USP7: variants seen among roughly 807,000 people sequenced by gnomAD.
The protein encoded by USP7 is ubiquitin C-terminal hydrolase 7.
Under a neutral mutation model 162.9 loss-of-function variants are expected in USP7, and 9 were observed. The ratio of observed to expected loss-of-function variants is 0.06; its 90% CI spans 0.03 to 0.10. The LOEUF (loss-of-function observed/expected upper bound fraction) is 0.10, where lower values mean the gene tolerates loss of function less well. USP7 is among the 10% of genes least tolerant of loss of function. USP7 has a pLI of 1.00. For synonymous variants in USP7, 562 were observed against 475.9 expected (o/e 1.18, Z -2.35); for missense variants, 715 against 1,373.7 (o/e 0.52, Z 7.58).
At chr16:8,923,568 A>G (rs2141216118) in intron 2 of USP7, among the ~76,000 whole-genome samples, 155 bp from the exon 3 acceptor site, 1 of 152,344 alleles carries the variant, frequency 6.6e-6, no homozygotes, top group East Asian at 1.9e-4. Context: ...AAACCCGAAG[A>G]CTGAGATAAC....
At chr16:8,896,558 T>C (rs771520596) in intron 26 of USP7, among the ~76,000 whole-genome samples, 1 of 152,118 alleles carries the variant, frequency 6.6e-6, no homozygotes, top group South Asian at 2.1e-4. Context: ...AGCCCAAATG[T>C]TGGCTAGATG....
intron 2 of USP7, 106 bp downstream of exon 2, chr16:8,930,187 G>A (rs527638519): frequency 1.1e-4 from 88 of 795,598 alleles, no homozygotes; most frequent in Non-Finnish European, 1.6e-4. Context: ...AACTAGCTAC[G>A]CTCAGAAGTA....
At chr16:8,946,139 A>C (rs926849828) in intron 1 of USP7, among the ~76,000 whole-genome samples, 1 of 152,152 alleles carries the variant, frequency 6.6e-6, no homozygotes, top group African/African-American at 2.4e-5. Context: ...CTCAACCTAA[A>C]CCTCACACCT....
chr16:8,926,438 C>T (rs1408650759), intron 2 of USP7, among the ~76,000 whole-genome samples: 1 of 152,126 alleles, frequency 6.6e-6, no homozygotes, highest in African/African-American at 2.4e-5. Context: ...GAGATCATGG[C>T]ATTGCACTCC....
Position 8,897,716 on chromosome 16 carries a change from AAAAAAAAAAAATAT to A in USP7, c.2718+630_2719-618del, listed in dbSNP as rs1432175212. On this transcript the variant is annotated intron_variant, in intron 25 of 30. Coordinates refer to ENST00000344836, the MANE Select transcript of USP7 (RefSeq NM_003470.3). ...GTCTCTACAAAAAAAAAAAAAAAAA[AAAAAAAAAAAATAT>A]ATATATATATATATATAAATGAGTT... 1.1e-4 allele frequency among the ~76,000 whole-genome samples: 5 copies of A among 46,208 alleles called. No individual in the cohort carries two copies. The South Asian group carries it at 2.8e-3, about 26-fold the overall frequency. 30.3% of individuals were successfully genotyped at this position (46,208 alleles called of 152,430 possible). A position where few individuals can be genotyped will look rare whatever the true frequency, so the allele number is the denominator to read the frequency against.
In USP7 at chr16:8,902,346, G is replaced by T. The variant is rs377745777; in HGVS notation, c.1941+35C>A. ...TGCAGAGGACTAACGCCTTCTGCAC[G>T]GTTCCAAACCAGATACGCTATTAAC... On this transcript the variant is annotated intron_variant, in intron 17 of 30. Transcript: ENST00000344836. The T allele has an allele frequency of 3.7e-6, 6 of 1,607,520 alleles. No individual in the cohort carries two copies. The East Asian group carries it at 8.9e-5, about 24-fold the overall frequency.
intron 1 of USP7, among the ~76,000 whole-genome samples, chr16:8,937,755 C>A (rs1007009392): frequency 6.6e-6 from 1 of 152,106 alleles, no homozygotes; most frequent in Non-Finnish European, 1.5e-5. Flanking sequence ...GGCTTAAATT[C>A]TCAAGCAATT....
chr16:8,907,656 G>T (rs190089808), intron 12 of USP7, among the ~76,000 whole-genome samples: 12 of 152,120 alleles, frequency 7.9e-5, no homozygotes, highest in African/African-American at 2.6e-4. Context: ...AGCCTGGCCA[G>T]CATAGTGAAA....
chr16:8,917,274 GT>G, intron 6 of USP7, 118 bp from the exon 7 acceptor site: 1 of 1,253,078 alleles, frequency 8.0e-7, no homozygotes, highest in South Asian at 1.8e-5. Flanking sequence ...AATGGCTAAG[GT>G]TGTTGTTAGG....
intron 10 of USP7, among the ~76,000 whole-genome samples, chr16:8,912,774 A>C (rs540744386): frequency 6.6e-6 from 1 of 152,262 alleles, no homozygotes; most frequent in Non-Finnish European, 1.5e-5. Context: ...ATTATAATTA[A>C]TTGATAAATA....
At chr16:8,960,346 G>T (rs567117869) in intron 1 of USP7, among the ~76,000 whole-genome samples, 4 of 152,112 alleles carry the variant, frequency 2.6e-5, no homozygotes, top group African/African-American at 4.8e-5. Context: ...TAACTGCTCA[G>T]GGCATTTCAA....
chr16:8,960,784 C>A (rs916258930), intron 1 of USP7, among the ~76,000 whole-genome samples: 2 of 152,314 alleles, frequency 1.3e-5, no homozygotes, highest in East Asian at 3.9e-4. Flanking sequence ...AAGTCACATT[C>A]CAATCGTAAG....
In USP7 at chr16:8,963,585, G is replaced by GCCA. The variant is rs1441496092; in HGVS notation, c.-301_-300insTGG. 2 of 139,948 alleles carry GCCA rather than the reference G, an allele frequency of 1.4e-5. No individual in the cohort carries two copies. Among genetic ancestry groups the GCCA allele is most frequent in the Admixed American group, 7.0e-5 (1 of 14,350 alleles). The allele number at this position is 139,948 out of a possible 1,614,324, so 8.7% of individuals were successfully genotyped here. A position where few individuals can be genotyped will look rare whatever the true frequency, so the allele number is the denominator to read the frequency against. The stretch of plus-strand genomic sequence containing the variant: ...CGCTGCGGCCGCCGCCGCCGCCGCC[G>GCCA]CGGGGCCCGCCTCCCGCCGCCGGGG... On this transcript the variant is annotated 5_prime_UTR_variant, in exon 1 of 31. Transcript: ENST00000344836.
chr16:8,959,881 A>T (rs932660946), intron 1 of USP7, among the ~76,000 whole-genome samples: 3 of 152,252 alleles, frequency 2.0e-5, no homozygotes, highest in African/African-American at 7.2e-5. Context: ...TGCTCCTAAT[A>T]GCAGCAGTCT....
intron 1 of USP7, among the ~76,000 whole-genome samples, chr16:8,950,288 C>G (rs1156291240): frequency 6.6e-6 from 1 of 151,982 alleles, no homozygotes; most frequent in Admixed American, 6.6e-5. Context: ...GTAGAAGACA[C>G]AACAGACATT....
chr16:8,956,048 A>G lies in USP7; in HGVS notation c.79+7159T>C, dbSNP rs558680310. ...AGTCACACTACCAAACTCACACAGC[A>G]CACTTTCCAAACCAGATGCCAGTTT... On this transcript the variant is annotated intron_variant, in intron 1 of 30. Coordinates refer to ENST00000344836, the MANE Select transcript of USP7 (RefSeq NM_003470.3). Among the ~76,000 whole-genome samples the G allele has an allele frequency of 1.5e-4, 23 of 152,300 alleles. No homozygotes were observed. In the South Asian group the frequency reaches 4.6e-3, roughly 30 times the overall value.
intron 1 of USP7, chr16:8,962,745 T>C (rs1900066570): frequency 6.1e-6 from 1 of 163,264 alleles, no homozygotes; most frequent in African/African-American, 2.4e-5. Flanking sequence ...GAAGAGCGCT[T>C]CCGAGCCACG....
intron 3 of USP7, among the ~76,000 whole-genome samples, chr16:8,922,421 G>C (rs1009106331): frequency 2.0e-5 from 3 of 152,212 alleles, no homozygotes; most frequent in African/African-American, 7.2e-5. Context: ...CCGGGAGGTG[G>C]AGGTTGTGGT....
chr16:8,957,763 T>TA lies in USP7; in HGVS notation c.79+5443dup, dbSNP rs112816608. Among the ~76,000 whole-genome samples the TA allele has an allele frequency of 8.2e-4, 120 of 146,700 alleles. 1 individual carries two copies. Among genetic ancestry groups the TA allele is most frequent in the East Asian group, 4.4e-3 (22 of 4,990 alleles). Reference sequence around the variant, plus strand: ...CAGAGCAAGACCCTGTCTCTTAAATTAAAAAAAAAACAAAAAAAAATTAAA... The same window carrying TA: ...CAGAGCAAGACCCTGTCTCTTAAATTAAAAAAAAAAACAAAAAAAAATTAAA... On this transcript the variant is annotated intron_variant, in intron 1 of 30. Coordinates refer to ENST00000344836, the MANE Select transcript of USP7 (RefSeq NM_003470.3).
Sources: allele counts gnomAD v4.1 joint callset (sites outside exome capture counted in the v4.1 genomes callset), GRCh38; gene constraint gnomAD v4.1.1; transcripts MANE v1.5; gene names NCBI Gene and HGNC (gene_info 2026-07-23, HGNC 2026-07-21).